ADAMTS20: variants seen among roughly 807,000 people sequenced by gnomAD.
ADAMTS20 encodes the protein A disintegrin and metalloproteinase with thrombospondin motifs 20.
Under a neutral mutation model 260.1 loss-of-function variants are expected in ADAMTS20, and 225 were observed. The ratio of observed to expected loss-of-function variants is 0.87; its 90% CI spans 0.78 to 0.97. The LOEUF (loss-of-function observed/expected upper bound fraction) is 0.97. Ranked by LOEUF, ADAMTS20 falls within the 50% of genes least tolerant of loss-of-function variation. The pLI, the probability that ADAMTS20 is intolerant of heterozygous loss-of-function variation, is 0.00. For synonymous variants in ADAMTS20, 802 were observed against 769.5 expected, an observed-to-expected ratio of 1.04 and a Z score of -0.70; for missense variants, 2,400 against 2,337.7, an observed-to-expected ratio of 1.03 and a Z score of -0.55.
chr12:43,543,734 G>C (rs895129665), intron 2 of ADAMTS20, among the ~76,000 whole-genome samples: 2 of 152,052 alleles, frequency 1.3e-5, no homozygotes, highest in Middle Eastern at 3.4e-3. Context: ...CACCAATATG[G>C]GTGTTCTTTC....
At chr12:43,421,159 T>A (rs1283716231) in intron 28 of ADAMTS20, among the ~76,000 whole-genome samples, 1 of 151,774 alleles carries the variant, frequency 6.6e-6, no homozygotes, top group Non-Finnish European at 1.5e-5. Flanking sequence ...CATTATATCA[T>A]ATAATAGATT....
At chr12:43,439,584 ACAGT>A in intron 18 of ADAMTS20, 34 bp downstream of exon 18, 2 of 1,575,054 alleles carry the variant, frequency 1.3e-6, no homozygotes, top group Non-Finnish European at 8.6e-7. Flanking sequence ...GCCAGAATGC[ACAGT>A]CAGTCTTTTC....
intron 36 of ADAMTS20, among the ~76,000 whole-genome samples, chr12:43,374,269 A>G (rs1163054578): frequency 6.6e-6 from 1 of 152,138 alleles, no homozygotes; most frequent in Non-Finnish European, 1.5e-5. Context: ...TTTTATGACT[A>G]TAATTTATAT....
At chr12:43,532,233 A>G (rs756196724) in intron 2 of ADAMTS20, 38 bp from the exon 3 acceptor site, 2 of 1,561,118 alleles carry the variant, frequency 1.3e-6, no homozygotes, top group East Asian at 4.6e-5. Flanking sequence ...TTTTCCTAAC[A>G]GTCGCCAAGA....
At chr12:43,550,303 C>A (rs74853938) in intron 2 of ADAMTS20, among the ~76,000 whole-genome samples, 3,646 of 152,214 alleles carry the variant, frequency 0.024, 91 homozygotes, top group East Asian at 0.11. Flanking sequence ...ATTACCACCA[C>A]AAAAATATAA....
At chr12:43,501,437 T>G (rs1657554119) in intron 4 of ADAMTS20, among the ~76,000 whole-genome samples, 1 of 146,096 alleles carries the variant, frequency 6.8e-6, no homozygotes, top group Admixed American at 6.9e-5. Flanking sequence ...AATTCAGGAA[T>G]GTCCCAGGGT....
chr12:43,427,117 G>A (rs1169514953), intron 27 of ADAMTS20, among the ~76,000 whole-genome samples, 191 bp downstream of exon 27: 1 of 152,116 alleles, frequency 6.6e-6, no homozygotes, highest in Non-Finnish European at 1.5e-5. Context: ...AGGTTGCAGT[G>A]AGTCGAGATC....
intron 2 of ADAMTS20, among the ~76,000 whole-genome samples, chr12:43,539,398 T>A (rs886199058): frequency 6.6e-6 from 1 of 152,176 alleles, no homozygotes; most frequent in African/African-American, 2.4e-5. Flanking sequence ...TTTAAATAGT[T>A]CAAAAATTAA....
intron 7 of ADAMTS20, among the ~76,000 whole-genome samples, chr12:43,472,085 T>C (rs1275191268): frequency 2.6e-5 from 4 of 151,048 alleles, no homozygotes; most frequent in Admixed American, 6.6e-5. Context: ...TTGAAAACTT[T>C]GAAAAAAATT....
intron 29 of ADAMTS20, among the ~76,000 whole-genome samples, chr12:43,386,079 T>A (rs190079646): frequency 6.6e-6 from 1 of 152,270 alleles, no homozygotes; most frequent in African/African-American, 2.4e-5. Flanking sequence ...GGTCTACCTA[T>A]TTTGTTAATC....
chr12:43,483,281 C>A (rs1340623976), intron 7 of ADAMTS20, among the ~76,000 whole-genome samples: 1 of 152,084 alleles, frequency 6.6e-6, no homozygotes, highest in African/African-American at 2.4e-5. Context: ...ACTGCTAATT[C>A]TAGGGGGAAG....
intron 2 of ADAMTS20, among the ~76,000 whole-genome samples, chr12:43,537,334 C>T (rs1397729727): frequency 3.3e-5 from 5 of 151,996 alleles, no homozygotes; most frequent in African/African-American, 1.2e-4. Context: ...GGATTACAGG[C>T]ATGAGCCACC....
At chr12:43,452,793 G>A in intron 12 of ADAMTS20, 98 bp from the exon 13 acceptor site, 1 of 1,138,928 alleles carries the variant, frequency 8.8e-7, no homozygotes, top group Non-Finnish European at 1.2e-6. Flanking sequence ...TAGAAAACCA[G>A]TGAAGTCCCA....
chr12:43,361,885 T>A (rs1592025068), intron 37 of ADAMTS20, among the ~76,000 whole-genome samples: 1 of 152,246 alleles, frequency 6.6e-6, no homozygotes, highest in African/African-American at 2.4e-5. Flanking sequence ...TATGATTTAC[T>A]TGTATATGCG....
At chr12:43,459,403 C>A (rs1187009196) in intron 11 of ADAMTS20, among the ~76,000 whole-genome samples, 1 of 152,188 alleles carries the variant, frequency 6.6e-6, no homozygotes, top group Non-Finnish European at 1.5e-5. Context: ...TCTAACAGAG[C>A]TATAACACTC....
rs993663870 is a variant in ADAMTS20, at chr12:43,526,030, G to A, written c.613+6006C>T. ...AACGTACACTCTAGAACAAAGGAACGTAAGATATATGTACAGAATATTCTA... is the reference window on the plus strand; with the variant it reads ...AACGTACACTCTAGAACAAAGGAACATAAGATATATGTACAGAATATTCTA... On this transcript the variant is annotated intron_variant, in intron 3 of 38. Coordinates refer to ENST00000389420, the MANE Select transcript of ADAMTS20 (RefSeq NM_025003.5). Among the ~76,000 whole-genome samples, 4 of 152,126 alleles carry A rather than the reference G, an allele frequency of 2.6e-5. No individual in the cohort carries two copies. In the East Asian group the frequency reaches 5.8e-4, roughly 22 times the overall value.
intron 3 of ADAMTS20, among the ~76,000 whole-genome samples, chr12:43,511,726 T>C (rs1942926759): frequency 6.6e-6 from 1 of 152,160 alleles, no homozygotes; most frequent in Non-Finnish European, 1.5e-5. Context: ...AATTCTGATG[T>C]CTGTACACAG....
At chr12:43,375,087 G>T (rs758766835) in intron 36 of ADAMTS20, among the ~76,000 whole-genome samples, 2 of 147,594 alleles carry the variant, frequency 1.4e-5, no homozygotes, top group Admixed American at 7.0e-5. Flanking sequence ...CAGGAGAATC[G>T]CTTGAACCCA....
intron 29 of ADAMTS20, among the ~76,000 whole-genome samples, chr12:43,389,144 G>A (rs1270457481): frequency 6.6e-6 from 1 of 152,052 alleles, no homozygotes; most frequent in Non-Finnish European, 1.5e-5. Context: ...CAAAGTCTTA[G>A]CTCATTCTAG....
Sources: gnomAD v4.1 joint callset for allele counts (sites outside exome capture counted in the v4.1 genomes callset) on GRCh38, gnomAD v4.1.1 for gene constraint, MANE v1.5 for transcripts, NCBI Gene and HGNC (gene_info 2026-07-23, HGNC 2026-07-21) for gene names.